Variants in SLC8A2 observed in about 807,000 individuals in gnomAD.
The protein encoded by SLC8A2 is sodium/calcium exchanger 2.
SLC8A2 carries 14 observed loss-of-function variants against 70.2 expected under a neutral mutation model. That is an observed-to-expected ratio of 0.20 (90% CI 0.13 to 0.31). SLC8A2 has a LOEUF of 0.31. Ranked by LOEUF, SLC8A2 falls within the 10% of genes least tolerant of loss-of-function variation. SLC8A2 has a pLI of 1.00. For synonymous variants in SLC8A2, 575 were observed against 594.3 expected, an observed-to-expected ratio of 0.97 and a Z score of 0.47; for missense variants, 779 against 1,320.1, an observed-to-expected ratio of 0.59 and a Z score of 6.35.
chr19:47,432,373 A>G lies in SLC8A2; in HGVS notation c.2183T>C (p.Phe728Ser). Residue 728 changes from phenylalanine (F) to serine (S), a missense_variant, in exon 9 of 10, where the codon TTC becomes TCC. This residue lies in a region of SLC8A2 where 247 missense variants were observed against 362.8 expected (regional missense o/e 0.68). Coordinates refer to ENST00000236877, the MANE Select transcript of SLC8A2 (RefSeq NM_015063.3). This position sits in a 1 kb window ranked among gnomAD's most constrained non-coding sequence, Gnocchi z 6.2. Reference sequence around the variant, plus strand: ...GAGCACCTTCCAGAACACCGTCAGGAAGTGCATCACGTAGTCAAAGCACGA... The same window carrying G: ...GAGCACCTTCCAGAACACCGTCAGGGAGTGCATCACGTAGTCAAAGCACGA... ...LPSCFDYVMH[F>S]LTVFWKVLFA... 1 of 1,613,936 alleles carries G rather than the reference A, an allele frequency of 6.2e-7. No homozygotes were observed. The highest frequency in any genetic ancestry group is 8.5e-7 in the Non-Finnish European group (1 of 1,179,928).
At position 47,455,676 on chromosome 19, in the gene SLC8A2, A is replaced by G. The variant is rs62128679; in HGVS notation, c.1340+1254T>C. Among the ~76,000 whole-genome samples the G allele has an allele frequency of 6.9e-3, 1,047 of 152,364 alleles. 8 individuals carry two copies. Among genetic ancestry groups the G allele is most frequent in the Non-Finnish European group, 0.012 (816 of 68,040 alleles). On this transcript the variant is annotated intron_variant, in intron 3 of 9. Coordinates refer to ENST00000236877, the MANE Select transcript of SLC8A2 (RefSeq NM_015063.3). Reference sequence around the variant, plus strand: ...ATACTGTAAAGCTATAAGTCTTAAAATAGTGTGTCATGGACAGAAGAACTA... The same window carrying G: ...ATACTGTAAAGCTATAAGTCTTAAAGTAGTGTGTCATGGACAGAAGAACTA...
Position 47,468,387 on chromosome 19 carries a change from C to T in SLC8A2, c.-16-1968G>A, listed in dbSNP as rs1967490459. Among the ~76,000 whole-genome samples, 1 of 152,224 alleles carries T rather than the reference C, an allele frequency of 6.6e-6. No individual in the cohort carries two copies. The highest frequency in any genetic ancestry group is 6.5e-5 in the Admixed American group (1 of 15,284). On this transcript the variant is annotated intron_variant, in intron 1 of 9. Transcript: ENST00000236877. The surrounding 1 kb of genome is among the most constrained non-coding windows in gnomAD (Gnocchi z 5.1). ...TCACATCTCACTGCAGCCTCGACCT[C>T]CAGGGCTCAAGCGACCCTCCCTCCT...
At position 47,432,205 on chromosome 19, in the gene SLC8A2, T is replaced by C. The variant is rs779176883; in HGVS notation, c.2351A>G (p.Asn784Ser). Residue 784 changes from asparagine (N) to serine (S), a missense_variant, in exon 9 of 10, where the codon AAT (asparagine) becomes AGT (serine). Asn to Ser is a conservative substitution (Grantham distance 46). Coordinates refer to ENST00000236877, the MANE Select transcript of SLC8A2 (RefSeq NM_015063.3). This position sits in a 1 kb window ranked among gnomAD's most constrained non-coding sequence, Gnocchi z 6.2. ...GCTVGLKDSV[N>S]AVVFVALGTS... is the part of the protein sequence containing the mutation. ...GCCCAGGGCAACGAAGACAACAGCA[T>C]TGACAGAGTCCTTGAGGCCAACGGT... 2 of 1,613,808 alleles carry C rather than the reference T, an allele frequency of 1.2e-6. No homozygotes were observed. Among genetic ancestry groups the C allele is most frequent in the Non-Finnish European group, 1.7e-6 (2 of 1,179,822 alleles).
rs747741770 is a variant in SLC8A2 at position 47,432,420 on chromosome 19, C to T, written c.2136G>A (p.Gly712=). The part of the protein sequence containing the change: ...SAGDEEEEED[G]SREERLPSCF... ...ACGACGGCAGCCGCTCCTCCCGGGA[C>T]CCGTCCTCCTCCTCCTCCTCGTCCC... Residue 712 remains glycine (G), a synonymous_variant, in exon 9 of 10, where the codon GGG becomes GGA. Transcript: ENST00000236877. The surrounding 1 kb of genome is among the most constrained non-coding windows in gnomAD (Gnocchi z 6.2). 6.8e-6 allele frequency: 11 copies of T among 1,605,840 alleles called. No homozygotes were observed. Among genetic ancestry groups the T allele is most frequent in the East Asian group, 2.2e-5 (1 of 44,824 alleles).
rs756641121 is a variant in SLC8A2, at chr19:47,465,874, A to G, written c.530T>C (p.Ile177Thr). Reference protein sequence around the residue: ...GSAAFNMFVVIAVCIYVIPAG... With the variant: ...GSAAFNMFVVTAVCIYVIPAG... Reference sequence around the variant, plus strand: ...TGGGATGACGTAGATGCACACGGCGATGACCACAAACATGTTGAAGGCAGC... The same window carrying G: ...TGGGATGACGTAGATGCACACGGCGGTGACCACAAACATGTTGAAGGCAGC... Residue 177 changes from isoleucine to threonine, a missense_variant, in exon 2 of 10, where the codon ATC becomes ACC. By Grantham distance (89) the Ile-to-Thr change is moderately conservative (BLOSUM62 -1). Transcript: ENST00000236877. The surrounding 1 kb of genome is among the most constrained non-coding windows in gnomAD (Gnocchi z 5.5). The G allele has an allele frequency of 2.5e-6, 4 of 1,614,150 alleles. No homozygotes were observed. In the South Asian group the frequency reaches 4.4e-5, roughly 18 times the overall value.
Position 47,448,267 on chromosome 19 carries a change from G to A in SLC8A2, c.1341-36C>T. 4 of 1,538,798 alleles carry A rather than the reference G, an allele frequency of 2.6e-6. No homozygotes were observed. The highest frequency in any genetic ancestry group is 3.5e-6 in the Non-Finnish European group (4 of 1,133,278). ...GTGGGGAGGGGGAAGAGCGGGGTGAGGGTCGGTCATCGGCTGTGTGTTGTA... is the reference window on the plus strand; with the variant it reads ...GTGGGGAGGGGGAAGAGCGGGGTGAAGGTCGGTCATCGGCTGTGTGTTGTA... On this transcript the variant is annotated intron_variant, in intron 3 of 9. Transcript: ENST00000236877. This position sits in a 1 kb window ranked among gnomAD's most constrained non-coding sequence, Gnocchi z 4.8.
rs1967173620 is a variant in SLC8A2, at chr19:47,447,160, T to C, written c.1763+649A>G. Among the ~76,000 whole-genome samples the C allele has an allele frequency of 6.6e-6, 1 of 151,720 alleles. No individual in the cohort carries two copies. The highest frequency in any genetic ancestry group is 2.4e-5 in the African/African-American group (1 of 41,254). On this transcript the variant is annotated intron_variant, in intron 4 of 9. Transcript: ENST00000236877. This position sits in a 1 kb window ranked among gnomAD's most constrained non-coding sequence, Gnocchi z 5.1. Reference sequence around the variant, plus strand: ...CCGCGCGCCCAGGCCCCACCCATCTTGTTAGGCCCCGCCTTCTTCCGCAGC... The same window carrying C: ...CCGCGCGCCCAGGCCCCACCCATCTCGTTAGGCCCCGCCTTCTTCCGCAGC...
chr19:47,451,746 C>T (rs931343781), intron 3 of SLC8A2, among the ~76,000 whole-genome samples: 1 of 152,178 alleles, frequency 6.6e-6, no homozygotes. Flanking sequence ...GATAGAGCAT[C>T]GCTTGCATGG....
intron 2 of SLC8A2, among the ~76,000 whole-genome samples, chr19:47,461,937 C>CA (rs1967400303): frequency 6.6e-6 from 1 of 152,202 alleles, no homozygotes; most frequent in Non-Finnish European, 1.5e-5. Context: ...ACCCCTGAGA[C>CA]AGAGTATTGG....
At chr19:47,467,802 C>T (rs964617054) in intron 1 of SLC8A2, among the ~76,000 whole-genome samples, 2 of 142,072 alleles carry the variant, frequency 1.4e-5, no homozygotes, top group South Asian at 4.5e-4. Context: ...ACCAGCCTGG[C>T]CAACATGGTG....
chr19:47,460,259 T>C (rs1967377609), intron 2 of SLC8A2, among the ~76,000 whole-genome samples: 2 of 152,140 alleles, frequency 1.3e-5, no homozygotes, highest in Non-Finnish European at 2.9e-5. Context: ...CAGCTCTGAG[T>C]TGGGAGCCTG....
intron 7 of SLC8A2, 132 bp from the exon 8 acceptor site, chr19:47,437,693 C>T: frequency 8.6e-7 from 1 of 1,166,630 alleles, no homozygotes; most frequent in Non-Finnish European, 1.3e-6. Flanking sequence ...GTTCTGAAGG[C>T]AAGCAAGGAA....
chr19:47,437,859 T>A lies in SLC8A2; in HGVS notation c.2000A>T (p.Tyr667Phe). ...CRLEVIIEES[Y>F]DFKNTVDKLI... ...GCCCCGGAAAATCACCTTAAAATCA[T>A]ATGACTCCTCGATGATGACCTCCAG... The change falls in exon 7 of 10, where the codon TAT becomes TTT. Residue 667 changes from tyrosine (Y) to phenylalanine (F), a missense_variant. Tyr to Phe is a conservative substitution (Grantham distance 22). Around this residue, in one of 6 missense-constraint regions of SLC8A2, gnomAD observed 247 missense variants for 362.8 expected, o/e 0.68. Transcript: ENST00000236877. The A allele has an allele frequency of 6.2e-7, 1 of 1,614,086 alleles. No individual in the cohort carries two copies. Among genetic ancestry groups the A allele is most frequent in the South Asian group, 1.1e-5 (1 of 91,074 alleles).
Position 47,448,300 on chromosome 19 carries a change from A to G in SLC8A2, c.1341-69T>C. The G allele has an allele frequency of 1.6e-6, 2 of 1,225,694 alleles. No homozygotes were observed. The highest frequency in any genetic ancestry group is 2.2e-5 in the Admixed American group (1 of 45,650). The allele number at this position is 1,225,694 out of a possible 1,614,324, so 75.9% of individuals were successfully genotyped here. ...CATCGGCTGTGTGTTGTACGGGGGG[A>G]GTCTGGACGTGCTTCCCAGAGGAGA... On this transcript the variant is annotated intron_variant, in intron 3 of 9. Transcript: ENST00000236877. The surrounding 1 kb of genome is among the most constrained non-coding windows in gnomAD (Gnocchi z 4.8).
rs1966983737 is a variant in SLC8A2 at position 47,432,966 on chromosome 19, G to GCTA, written c.2111-524_2111-522dup. On this transcript the variant is annotated intron_variant, in intron 8 of 9. Coordinates refer to ENST00000236877, the MANE Select transcript of SLC8A2 (RefSeq NM_015063.3). The surrounding 1 kb of genome is among the most constrained non-coding windows in gnomAD (Gnocchi z 6.2). ...CATTACTTTCCCAGAATCCCTTGAA[G>GCTA]CTAGGAGCATGAATGGACCCAGGTG... is the stretch of plus-strand genomic sequence containing the variant. Among the ~76,000 whole-genome samples the GCTA allele has an allele frequency of 6.6e-6, 1 of 152,070 alleles. No individual in the cohort carries two copies.
chr19:47,445,651 AG>A (rs1209359227), intron 4 of SLC8A2, among the ~76,000 whole-genome samples: 1 of 152,206 alleles, frequency 6.6e-6, no homozygotes, highest in Non-Finnish European at 1.5e-5. Context: ...AACACTAATT[AG>A]CCTCCTGTTC....
intron 1 of SLC8A2, among the ~76,000 whole-genome samples, chr19:47,470,750 G>A (rs1967526210): frequency 6.6e-6 from 1 of 152,214 alleles, no homozygotes. Flanking sequence ...TTGAAGGGAG[G>A]TCTGGTCTCA....
At chr19:47,431,264 A>G (rs1238280372) in intron 9 of SLC8A2, among the ~76,000 whole-genome samples, 1 of 151,934 alleles carries the variant, frequency 6.6e-6, no homozygotes, top group East Asian at 1.9e-4. Context: ...CCTGGGCCCA[A>G]GCAATCCTAC....
rs768577907 is a variant in SLC8A2, at chr19:47,457,030, G to A, written c.1240C>T (p.Leu414=). The change falls in exon 3 of 10, where the codon CTG becomes TTG. Residue 414 remains leucine (L), a synonymous_variant. Transcript: ENST00000236877. The part of the protein sequence containing the change: ...HCLENCGSVL[L]SVTCQGGEGN... ...TCGCCGCCCTGGCACGTGACGGACAGCAGCACGGAGCCGCAGTTCTCCAGG... is the reference window on the plus strand; with the variant it reads ...TCGCCGCCCTGGCACGTGACGGACAACAGCACGGAGCCGCAGTTCTCCAGG... 7 of 1,610,654 alleles carry A rather than the reference G, an allele frequency of 4.3e-6. No homozygotes were observed. The highest frequency in any genetic ancestry group is 1.7e-4 in the Middle Eastern group (1 of 6,056).
Sources: allele counts gnomAD v4.1 joint callset (sites outside exome capture counted in the v4.1 genomes callset), GRCh38; gene constraint gnomAD v4.1.1; regional missense constraint gnomAD v4.1.1; non-coding constraint Gnocchi (gnomAD v3.1); transcripts MANE v1.5; gene names NCBI Gene and HGNC (gene_info 2026-07-23, HGNC 2026-07-21).